Variants in SDF4 observed in about 807,000 individuals in gnomAD.
SDF4 encodes the protein 45 kDa calcium-binding protein.
In SDF4, 22 loss-of-function variants were observed where a neutral mutation model predicts 34.2. The observed-to-expected ratio is 0.64, with a 90% CI of 0.46 to 0.92. The LOEUF (loss-of-function observed/expected upper bound fraction) is 0.92, where lower values mean the gene tolerates loss of function less well. Among genes scored for constraint, SDF4 ranks in the 40% least tolerant of loss-of-function variants. SDF4 has a pLI of 0.00. For synonymous variants in SDF4, 236 were observed against 203.1 expected, an observed-to-expected ratio of 1.16 and a Z score of -1.38; for missense variants, 447 against 499.9, an observed-to-expected ratio of 0.89 and a Z score of 1.01.
intron 4 of SDF4, chr1:1,220,407 G>A (rs1649866388): frequency 2.6e-6 from 3 of 1,168,066 alleles, no homozygotes; most frequent in Middle Eastern, 4.0e-4. Context: ...CTCACGCGGT[G>A]ACCCTCGCAG....
Position 1,218,689 on chromosome 1 carries a change from C to T in SDF4, c.716-56G>A, listed in dbSNP as rs1233135523. ...CAGGCTGGGGCTCCCGCAGGACCTG[C>T]CCCGACCTCCCGACGATGCCCGGCC... On this transcript the variant is annotated intron_variant, in intron 5 of 6. Transcript: ENST00000360001. The surrounding 1 kb of genome is among the most constrained non-coding windows in gnomAD (Gnocchi z 7.9). 3.1e-6 allele frequency: 5 copies of T among 1,611,724 alleles called. No individual in the cohort carries two copies. In the Admixed American group the frequency reaches 5.0e-5, roughly 16 times the overall value.
intron 2 of SDF4, among the ~76,000 whole-genome samples, chr1:1,225,284 C>T (rs983082170): frequency 1.3e-5 from 2 of 152,314 alleles, no homozygotes; most frequent in South Asian, 2.1e-4. Flanking sequence ...GTGCGTTTGC[C>T]GGAGGCATCC....
chr1:1,217,409 G>C lies in SDF4; in HGVS notation c.*103C>G. ...GCCGCGGTCGGTCGGCCGGTGGCGG[G>C]CGGCAGGGAAGAGGTGGGGTCCGGG... On this transcript the variant is annotated 3_prime_UTR_variant, in exon 7 of 7. Transcript: ENST00000360001. The surrounding 1 kb of genome is among the most constrained non-coding windows in gnomAD (Gnocchi z 8.5). 9.5e-7 allele frequency: 1 copy of C among 1,048,926 alleles called. No homozygotes were observed. Among genetic ancestry groups the C allele is most frequent in the Non-Finnish European group, 1.2e-6 (1 of 812,528 alleles). The allele number at this position is 1,048,926 out of a possible 1,614,324, so 65.0% of individuals were successfully genotyped here.
rs773589201 is a variant in SDF4, at chr1:1,224,007, GC to G, written c.306-40del. 3.1e-6 allele frequency: 5 copies of G among 1,603,532 alleles called. No homozygotes were observed. The African/African-American group carries it at 4.0e-5, about 13-fold the overall frequency. ...AATGGGCAGGTGGCCGTCAGACTGG[GC>G]CCCCAGGACCCCGAACAGCCAGACG... On this transcript the variant is annotated intron_variant, in intron 2 of 6. Transcript: ENST00000360001.
Position 1,217,792 on chromosome 1 carries a change from G to A in SDF4, c.892-104C>T, listed in dbSNP as rs1415507543. On this transcript the variant is annotated intron_variant, in intron 6 of 6. Transcript: ENST00000360001. The surrounding 1 kb of genome is among the most constrained non-coding windows in gnomAD (Gnocchi z 8.5). ...AAGGTGCCTATTGGCTGCAGCGGGA[G>A]TGTGGGCACGTTCTGGAAGGTTCCC... 1.9e-6 allele frequency: 3 copies of A among 1,586,976 alleles called. No homozygotes were observed. The highest frequency in any genetic ancestry group is 2.6e-6 in the Non-Finnish European group (3 of 1,168,282).
At chr1:1,220,394 G>C in intron 4 of SDF4, 2 of 1,157,134 alleles carry the variant, frequency 1.7e-6, no homozygotes, top group Non-Finnish European at 2.2e-6. Context: ...AGCAGCCCCC[G>C]GACTCACGCG....
intron 4 of SDF4, chr1:1,220,333 C>T (rs1163045529): frequency 5.5e-5 from 61 of 1,100,596 alleles, no homozygotes; most frequent in Non-Finnish European, 6.7e-5. Flanking sequence ...GTGATGCCCG[C>T]CTGCCACGCC....
At chr1:1,220,188 C>T (rs1649841085) in intron 4 of SDF4, 1 of 991,274 alleles carries the variant, frequency 1.0e-6, no homozygotes, top group Admixed American at 5.9e-5. Flanking sequence ...CCAGTCCCTC[C>T]CCACGAGCCG....
intron 1 of SDF4, among the ~76,000 whole-genome samples, chr1:1,231,100 G>A (rs1410990447): frequency 6.6e-5 from 10 of 152,214 alleles, no homozygotes; most frequent in African/African-American, 2.4e-4. Context: ...CTCGAAAAAG[G>A]GGGAATAAAA....
chr1:1,219,909 T>C, intron 4 of SDF4: 1 of 984,058 alleles, frequency 1.0e-6, no homozygotes, highest in Non-Finnish European at 1.2e-6. Context: ...TGCCGTCCCA[T>C]CTTATCCCTT....
intron 2 of SDF4, among the ~76,000 whole-genome samples, chr1:1,227,719 C>T (rs1322836240): frequency 6.6e-6 from 1 of 152,206 alleles, no homozygotes; most frequent in Non-Finnish European, 1.5e-5. Flanking sequence ...AGGAGTAAGG[C>T]GCCCGTGCAG....
intron 4 of SDF4, 91 bp downstream of exon 4, chr1:1,223,153 C>G (rs373495846): frequency 2.3e-6 from 2 of 881,732 alleles, no homozygotes; most frequent in South Asian, 1.4e-5. Context: ...CACTCATACA[C>G]GACACACACG....
Position 1,217,774 on chromosome 1 carries a change from C to CT in SDF4, c.892-87dup. The CT allele has an allele frequency of 1.9e-6, 3 of 1,598,694 alleles. No individual in the cohort carries two copies. Among genetic ancestry groups the CT allele is most frequent in the Non-Finnish European group, 2.6e-6 (3 of 1,173,706 alleles). ...CGCACGAAGTGGCTATTTAAGGTGC[C>CT]TATTGGCTGCAGCGGGAGTGTGGGC... On this transcript the variant is annotated intron_variant, in intron 6 of 6. Transcript: ENST00000360001. The surrounding 1 kb of genome is among the most constrained non-coding windows in gnomAD (Gnocchi z 8.5).
intron 4 of SDF4, chr1:1,219,371 T>A: frequency 1.9e-6 from 2 of 1,050,718 alleles, no homozygotes; most frequent in Non-Finnish European, 2.3e-6. Flanking sequence ...TCAGAGCCCC[T>A]CATGCCTGGG....
At chr1:1,222,753 G>A (rs929962265) in intron 4 of SDF4, among the ~76,000 whole-genome samples, 6 of 152,238 alleles carry the variant, frequency 3.9e-5, no homozygotes, top group Admixed American at 1.3e-4. Context: ...GCTCCCCACC[G>A]GACTCCTGGG....
At chr1:1,220,103 T>C in intron 4 of SDF4, 9 of 986,244 alleles carry the variant, frequency 9.1e-6, no homozygotes, top group Non-Finnish European at 9.6e-6. Context: ...GAGAGACGCT[T>C]TCTCCAGCAC....
chr1:1,226,675 G>A (rs1023576624), intron 2 of SDF4, among the ~76,000 whole-genome samples: 2 of 152,218 alleles, frequency 1.3e-5, no homozygotes, highest in Non-Finnish European at 2.9e-5. Flanking sequence ...CGGCGCAGGA[G>A]TCAGGGAGAC....
chr1:1,220,571 C>CA, intron 4 of SDF4: 1 of 1,281,530 alleles, frequency 7.8e-7, no homozygotes, highest in African/African-American at 1.5e-5. Flanking sequence ...TCGGGGAGGC[C>CA]AAGACGGATC....
At chr1:1,221,908 C>T (rs1246354664) in intron 4 of SDF4, among the ~76,000 whole-genome samples, 2 of 152,216 alleles carry the variant, frequency 1.3e-5, no homozygotes, top group African/African-American at 4.8e-5. Context: ...CGAGACTGCA[C>T]CACTGCACTG....
Sources: allele counts gnomAD v4.1 joint callset (sites outside exome capture counted in the v4.1 genomes callset), GRCh38; gene constraint gnomAD v4.1.1; non-coding constraint Gnocchi (gnomAD v3.1); transcripts MANE v1.5; gene names NCBI Gene and HGNC (gene_info 2026-07-23, HGNC 2026-07-21).